NAV3: variants seen among roughly 807,000 people sequenced by gnomAD.
NAV3 encodes pore membrane and/or filament interacting like protein 1.
A neutral mutation model predicts 244.7 loss-of-function variants in NAV3; 87 were observed. The observed-to-expected ratio is 0.36, with a 90% CI of 0.30 to 0.42. The LOEUF is 0.42. Among genes scored for constraint, NAV3 ranks in the 20% least tolerant of loss-of-function variants. The pLI, the probability that NAV3 is intolerant of heterozygous loss-of-function variation, is 1.00. For synonymous variants in NAV3, 1,126 were observed against 1,042.2 expected, an observed-to-expected ratio of 1.08 and a Z score of -1.55; for missense variants, 2,663 against 2,893.3, an observed-to-expected ratio of 0.92 and a Z score of 1.83.
chr12:77,674,632 C>T (rs1874128654), intron 2 of NAV3, among the ~76,000 whole-genome samples: 2 of 152,200 alleles, frequency 1.3e-5, no homozygotes, highest in South Asian at 4.1e-4. Flanking sequence ...CCATGCAATC[C>T]ACCCACCTCA....
intron 1 of NAV3, among the ~76,000 whole-genome samples, chr12:77,860,305 A>C (rs1468949442): frequency 6.7e-6 from 1 of 150,280 alleles, no homozygotes; most frequent in East Asian, 1.9e-4. Flanking sequence ...TATAATATAT[A>C]CATATATATA....
intron 19 of NAV3, among the ~76,000 whole-genome samples, chr12:78,138,093 A>T (rs533233699): frequency 6.6e-6 from 1 of 152,180 alleles, no homozygotes; most frequent in Non-Finnish European, 1.5e-5. Flanking sequence ...TACAGCATAC[A>T]TATTATAAAG....
intron 28 of NAV3, among the ~76,000 whole-genome samples, chr12:78,179,048 A>T (rs1958383644): frequency 6.6e-6 from 1 of 152,106 alleles, no homozygotes; most frequent in Admixed American, 6.6e-5. Flanking sequence ...TTTATATTGG[A>T]TTTTTATGGT....
rs766072785 is a variant in NAV3 at position 78,210,567 on chromosome 12, A to G, written c.*50A>G. ...GACTTTGCTTTTAAAAAAATGTTTC[A>G]AAAGAAAGGTATTTTCACTAAACCA... On this transcript the variant is annotated 3_prime_UTR_variant, in exon 40 of 40. Transcript: ENST00000397909. 49 of 1,599,116 alleles carry G rather than the reference A, an allele frequency of 3.1e-5. No homozygotes were observed. The highest frequency in any genetic ancestry group is 3.8e-5 in the Non-Finnish European group (45 of 1,173,430).
chr12:78,040,751 C>A (rs1225625404), intron 9 of NAV3, among the ~76,000 whole-genome samples: 1 of 152,088 alleles, frequency 6.6e-6, no homozygotes, highest in Non-Finnish European at 1.5e-5. Context: ...TCAATATACT[C>A]CTTCTTTCAT....
intron 1 of NAV3, among the ~76,000 whole-genome samples, chr12:77,883,715 C>T (rs1882947853): frequency 6.6e-6 from 1 of 152,156 alleles, no homozygotes; most frequent in Non-Finnish European, 1.5e-5. Context: ...CTAGTTATTT[C>T]ATGATAAAGA....
rs1251538228 is a variant in NAV3, at chr12:77,719,402, G to GA, written c.72+147136_72+147137insA. Among the ~76,000 whole-genome samples, 7 of 142,850 alleles carry GA rather than the reference G, an allele frequency of 4.9e-5. No individual in the cohort carries two copies. In the South Asian group the frequency reaches 1.1e-3, roughly 22 times the overall value. The allele number at this position is 142,850 out of a possible 152,430, so 93.7% of individuals were successfully genotyped here. A position where few individuals can be genotyped will look rare whatever the true frequency, so the allele number is the denominator to read the frequency against. On this transcript the variant is annotated intron_variant, in intron 2 of 8. Coordinates refer to the NAV3 transcript ENST00000550042. The stretch of plus-strand genomic sequence containing the variant: ...CTTTTTCTAAGGCAAATCTTTCAGA[G>GA]TTTTTTTTTTTTTGACAGTTGAGTA...
rs1010914164 is a variant in NAV3 at position 78,029,438 on chromosome 12, A to G, written c.2023+7576A>G. Among the ~76,000 whole-genome samples, 8 of 152,224 alleles carry G rather than the reference A, an allele frequency of 5.3e-5. 1 individual carries two copies. The highest frequency in any genetic ancestry group is 5.2e-4 in the Admixed American group (8 of 15,264). The stretch of plus-strand genomic sequence containing the variant: ...TTAGTGAAGAACTAGAGCAGTGTAC[A>G]TTCATTACAGAACAATAAATTATGC... On this transcript the variant is annotated intron_variant, in intron 9 of 39. Transcript: ENST00000397909.
At chr12:78,116,726 G>T (rs2138512097) in intron 12 of NAV3, 46 bp from the exon 13 acceptor site, 1 of 1,484,880 alleles carries the variant, frequency 6.7e-7, no homozygotes, top group African/African-American at 1.4e-5. Flanking sequence ...GACTTGCATT[G>T]TGCATCCTGT....
At chr12:77,844,495 C>A (rs1281440701) in intron 1 of NAV3, among the ~76,000 whole-genome samples, 2 of 152,166 alleles carry the variant, frequency 1.3e-5, no homozygotes, top group African/African-American at 4.8e-5. Flanking sequence ...AGAGTCACAA[C>A]TTTACTTGCT....
chr12:77,588,766 AT>A (rs1869762701), intron 2 of NAV3, among the ~76,000 whole-genome samples: 1 of 152,250 alleles, frequency 6.6e-6, no homozygotes, highest in Non-Finnish European at 1.5e-5. Flanking sequence ...ACAGGTATGA[AT>A]TGTGAAAATA....
chr12:77,792,038 G>A (rs1307051407), intron 2 of NAV3, among the ~76,000 whole-genome samples: 1 of 152,128 alleles, frequency 6.6e-6, no homozygotes, highest in Non-Finnish European at 1.5e-5. Flanking sequence ...TATTCTAAAA[G>A]CCTGTTAAAT....
chr12:77,845,756 T>A (rs1876523554), intron 1 of NAV3, among the ~76,000 whole-genome samples: 1 of 151,038 alleles, frequency 6.6e-6, no homozygotes, highest in African/African-American at 2.4e-5. Context: ...TGGGTTCAAG[T>A]GATTCTCCTG....
intron 1 of NAV3, among the ~76,000 whole-genome samples, chr12:77,852,302 A>C (rs964790377): frequency 6.6e-6 from 1 of 152,208 alleles, no homozygotes; most frequent in Non-Finnish European, 1.5e-5. Flanking sequence ...TGGGAGGCTA[A>C]GGCAGGGGGA....
chr12:78,200,574 G>A lies in NAV3; in HGVS notation c.6817G>A (p.Val2273Met), dbSNP rs764806639. 8 of 1,559,704 alleles carry A rather than the reference G, an allele frequency of 5.1e-6. No individual in the cohort carries two copies. The highest frequency in any genetic ancestry group is 7.0e-6 in the Non-Finnish European group (8 of 1,148,518). ...YSLVPYILEA[V>M]REGLQMYGKR... is the part of the protein sequence containing the mutation. ...TTTAGTACCTTATATTCTGGAGGCA[G>A]TGAGAGAGGGTCTTCAGGTATAGTA... Residue 2273 changes from valine (V) to methionine (M), a missense_variant, in exon 38 of 40, where the codon GTG becomes ATG. Transcript: ENST00000397909.
intron 2 of NAV3, among the ~76,000 whole-genome samples, chr12:77,797,079 T>C (rs1871443901): frequency 6.6e-6 from 1 of 152,188 alleles, no homozygotes; most frequent in Admixed American, 6.5e-5. Context: ...ATAGTCCACT[T>C]TCATGCTATT....
chr12:77,816,693 C>G (rs2136016968), intron 2 of NAV3, among the ~76,000 whole-genome samples: 1 of 152,130 alleles, frequency 6.6e-6, no homozygotes, highest in South Asian at 2.1e-4. Context: ...CCATTTACCT[C>G]CATGTTTACT....
chr12:78,171,723 G>T (rs1436942381), intron 24 of NAV3, among the ~76,000 whole-genome samples: 1 of 151,414 alleles, frequency 6.6e-6, no homozygotes, highest in Non-Finnish European at 1.5e-5. Context: ...TAAGGTAATT[G>T]TATGGCATAT....
At chr12:77,835,935 T>C (rs542892996) in intron 1 of NAV3, among the ~76,000 whole-genome samples, 6 of 152,340 alleles carry the variant, frequency 3.9e-5, no homozygotes, top group African/African-American at 9.6e-5. Flanking sequence ...TTAGTCCCAC[T>C]GTCCTTTAAC....
Sources: gnomAD v4.1 joint callset for allele counts (sites outside exome capture counted in the v4.1 genomes callset) on GRCh38, gnomAD v4.1.1 for gene constraint, MANE v1.5 for transcripts, NCBI Gene and HGNC (gene_info 2026-07-23, HGNC 2026-07-21) for gene names.